DCAF12: variants seen among roughly 807,000 people sequenced by gnomAD.
DCAF12 encodes DDB1- and CUL4-associated factor 12.
Under a neutral mutation model 52.8 loss-of-function variants are expected in DCAF12, and 28 were observed. That is an observed-to-expected ratio of 0.53 (90% CI 0.39 to 0.73). The LOEUF is 0.73. Ranked by LOEUF, DCAF12 falls within the 30% of genes least tolerant of loss-of-function variation. The probability of loss-of-function intolerance (pLI) is 0.00; values close to 1 mark genes in which losing one functional copy is unlikely to be tolerated. For missense variants in DCAF12, 425 were observed against 552.2 expected, an observed-to-expected ratio of 0.77 and a Z score of 2.31; for synonymous variants, 196 against 215.5, an observed-to-expected ratio of 0.91 and a Z score of 0.79.
chr9:34,126,521 C>A lies in DCAF12; in HGVS notation c.-90G>T. The stretch of plus-strand genomic sequence containing the variant: ...GCGGGTCATATACTGGGCCCCGGGG[C>A]CGCGCACCTTAGTGCGCCCGGCCCG... On this transcript the variant is annotated 5_prime_UTR_variant, in exon 1 of 9. Transcript: ENST00000361264. The A allele has an allele frequency of 7.0e-7, 1 of 1,438,658 alleles. No individual in the cohort carries two copies. The highest frequency in any genetic ancestry group is 9.3e-7 in the Non-Finnish European group (1 of 1,081,064). 89.1% of individuals were successfully genotyped at this position (1,438,658 alleles called of 1,614,324 possible).
rs1829080523 is a variant in DCAF12 at position 34,115,858 on chromosome 9, T to TA, written c.334-8294dup. Among the ~76,000 whole-genome samples the TA allele has an allele frequency of 3.3e-5, 5 of 152,048 alleles. No homozygotes were observed. The South Asian group carries it at 1.0e-3, about 31-fold the overall frequency. ...CTCCCAAAGTGCGGGATTACAGACA[T>TA]AAGCCATCAAGCCTTGCCACTACAT... On this transcript the variant is annotated intron_variant, in intron 2 of 8. Transcript: ENST00000361264.
intron 2 of DCAF12, among the ~76,000 whole-genome samples, chr9:34,122,526 G>A (rs1053575900): frequency 3.4e-5 from 5 of 145,986 alleles, no homozygotes; most frequent in Non-Finnish European, 7.4e-5. Flanking sequence ...GCCCAGGCTG[G>A]AGTAGAATGG....
intron 2 of DCAF12, chr9:34,109,827 G>A (rs764431929): frequency 5.9e-6 from 2 of 336,476 alleles, no homozygotes; most frequent in East Asian, 1.8e-4. Flanking sequence ...GCAGCTTTAG[G>A]GGTCGGAAGC....
At chr9:34,122,387 T>C (rs1041919109) in intron 2 of DCAF12, among the ~76,000 whole-genome samples, 8 of 152,152 alleles carry the variant, frequency 5.3e-5, no homozygotes, top group African/African-American at 1.9e-4. Flanking sequence ...CTTCAACTAA[T>C]TGATGAAAAG....
intron 6 of DCAF12, among the ~76,000 whole-genome samples, chr9:34,094,640 C>T (rs1828704284): frequency 6.6e-6 from 1 of 151,286 alleles, no homozygotes. Flanking sequence ...ACACCATTCT[C>T]CTGCCTCAGC....
chr9:34,119,702 GT>G (rs72391664), intron 2 of DCAF12, among the ~76,000 whole-genome samples: 47,703 of 132,998 alleles, frequency 0.36, 7,205 homozygotes, highest in South Asian at 0.49. Context: ...TACTTTTGCG[GT>G]TTTTTTTTTT....
At chr9:34,102,728 CA>C (rs1828848681) in intron 4 of DCAF12, among the ~76,000 whole-genome samples, 1 of 151,908 alleles carries the variant, frequency 6.6e-6, no homozygotes. Flanking sequence ...CTGTTGGTGG[CA>C]AGCTAAAATG....
In DCAF12 at chr9:34,096,720, G is replaced by A; in HGVS notation, c.857C>T (p.Ser286Phe). 6.2e-7 allele frequency: 1 copy of A among 1,613,716 alleles called. No individual in the cohort carries two copies. The highest frequency in any genetic ancestry group is 8.5e-7 in the Non-Finnish European group (1 of 1,179,672). The change falls in exon 6 of 9, where the codon TCT becomes TTT. Residue 286 changes from serine to phenylalanine, a missense_variant. This residue lies in a region of DCAF12 where 328 missense variants were observed against 444.4 expected (regional missense o/e 0.74). Transcript: ENST00000361264. ...ACAAAATCATGTTCATCACACCTTA[G>A]ATAGTGTATTTTCAGCCTTCCAGAG... ...FHLWKAENTL[S>F]KLLSTKLPYC...
intron 7 of DCAF12, among the ~76,000 whole-genome samples, chr9:34,093,033 C>G (rs532562103): frequency 6.6e-6 from 1 of 152,188 alleles, no homozygotes; most frequent in African/African-American, 2.4e-5. Flanking sequence ...TTAGTAGAGA[C>G]GGGGTTTCTC....
chr9:34,099,891 C>T (rs1329094415), intron 4 of DCAF12, among the ~76,000 whole-genome samples: 1 of 152,060 alleles, frequency 6.6e-6, no homozygotes, highest in Non-Finnish European at 1.5e-5. Flanking sequence ...TGCACCTGGC[C>T]AAAGCTTAGT....
At chr9:34,100,554 G>C (rs1381022952) in intron 4 of DCAF12, among the ~76,000 whole-genome samples, 4 of 149,962 alleles carry the variant, frequency 2.7e-5, no homozygotes, top group African/African-American at 9.8e-5. Flanking sequence ...GAGTGGAGTG[G>C]TGCAATCTCA....
Position 34,089,412 on chromosome 9 carries a change from C to T in DCAF12, c.1203G>A (p.Leu401=). 1.2e-6 allele frequency: 2 copies of T among 1,611,042 alleles called. No homozygotes were observed. The highest frequency in any genetic ancestry group is 1.7e-6 in the Non-Finnish European group (2 of 1,178,252). ...TCATCTCAGGTAGGGGCTTACGCAC[C>T]AGCCAGCCTTTGCCAGTGGTTAGTT... The part of the protein sequence containing the change: ...NLKLTTGKGW[L]NHDETWRNYF... Residue 401 remains leucine, a splice_region_variant and synonymous_variant, in exon 8 of 9, where the codon CTG becomes CTA. Coordinates refer to ENST00000361264, the MANE Select transcript of DCAF12 (RefSeq NM_015397.4).
At chr9:34,092,643 G>A (rs567703340) in intron 7 of DCAF12, among the ~76,000 whole-genome samples, 7 of 150,466 alleles carry the variant, frequency 4.7e-5, no homozygotes, top group Non-Finnish European at 8.9e-5. Flanking sequence ...CTGAGATCAC[G>A]CCACTACACT....
Position 34,098,532 on chromosome 9 carries a change from G to C in DCAF12, c.602-15C>G. The C allele has an allele frequency of 6.2e-7, 1 of 1,607,582 alleles. No individual in the cohort carries two copies. Among genetic ancestry groups the C allele is most frequent in the East Asian group, 2.2e-5 (1 of 44,762 alleles). Reference sequence around the variant, plus strand: ...ATCACGTGAGCCTGCAGGGCCAGGAGAACACAGATGTCAGATGTACCCACC... The same window carrying C: ...ATCACGTGAGCCTGCAGGGCCAGGACAACACAGATGTCAGATGTACCCACC... On this transcript the variant is annotated splice_polypyrimidine_tract_variant and intron_variant, in intron 4 of 8. Coordinates refer to ENST00000361264, the MANE Select transcript of DCAF12 (RefSeq NM_015397.4).
intron 2 of DCAF12, among the ~76,000 whole-genome samples, chr9:34,113,587 A>G (rs1829039715): frequency 6.6e-6 from 1 of 151,866 alleles, no homozygotes; most frequent in Non-Finnish European, 1.5e-5. Context: ...TGATCCGCTC[A>G]TCTCAGCCTC....
intron 7 of DCAF12, among the ~76,000 whole-genome samples, chr9:34,090,315 C>G (rs1828624386): frequency 6.6e-6 from 1 of 151,874 alleles, no homozygotes; most frequent in African/African-American, 2.4e-5. Flanking sequence ...CCACCTTGGC[C>G]TCCCAAAGTG....
At chr9:34,122,011 G>A (rs982150795) in intron 2 of DCAF12, among the ~76,000 whole-genome samples, 3 of 152,168 alleles carry the variant, frequency 2.0e-5, no homozygotes, top group Non-Finnish European at 2.9e-5. Flanking sequence ...GTATTCTCCC[G>A]GTTTTCCTGA....
Position 34,126,555 on chromosome 9 carries a change from C to T in DCAF12, c.-124G>A, listed in dbSNP as rs1180162331. On this transcript the variant is annotated 5_prime_UTR_variant, in exon 1 of 9. Coordinates refer to ENST00000361264, the MANE Select transcript of DCAF12 (RefSeq NM_015397.4). ...TTAGTGCGCCCGGCCCGGAAAATGGCCCGGACCCGGAGCGGCAGCAGAAAA... is the reference window on the plus strand; with the variant it reads ...TTAGTGCGCCCGGCCCGGAAAATGGTCCGGACCCGGAGCGGCAGCAGAAAA... The T allele has an allele frequency of 2.9e-6, 3 of 1,038,344 alleles. No homozygotes were observed. The highest frequency in any genetic ancestry group is 3.3e-5 in the African/African-American group (2 of 61,092). The allele number at this position is 1,038,344 out of a possible 1,614,324, so 64.3% of individuals were successfully genotyped here.
At chr9:34,112,361 C>T (rs1291965195) in intron 2 of DCAF12, among the ~76,000 whole-genome samples, 1 of 152,042 alleles carries the variant, frequency 6.6e-6, no homozygotes, top group Non-Finnish European at 1.5e-5. Context: ...TTTGGGAGGC[C>T]AAGGCAGGCG....
Sources: allele counts gnomAD v4.1 joint callset (sites outside exome capture counted in the v4.1 genomes callset), GRCh38; gene constraint gnomAD v4.1.1; regional missense constraint gnomAD v4.1.1; transcripts MANE v1.5; gene names NCBI Gene and HGNC (gene_info 2026-07-23, HGNC 2026-07-21).